The following MTF1 variants were observed in gnomAD, a reference collection of about 807,000 sequenced individuals.
MTF1 encodes metal regulatory transcription factor 1.
Under a neutral mutation model 70.4 loss-of-function variants are expected in MTF1, and 22 were observed. The observed-to-expected ratio is 0.31, with a 90% CI of 0.22 to 0.45. The LOEUF (loss-of-function observed/expected upper bound fraction) is 0.45, where lower values mean the gene tolerates loss of function less well. Among genes scored for constraint, MTF1 ranks in the 20% least tolerant of loss-of-function variants. The pLI is 1.00. For missense variants in MTF1, 649 were observed against 922.0 expected, an observed-to-expected ratio of 0.70 and a Z score of 3.83; for synonymous variants, 333 against 352.8, an observed-to-expected ratio of 0.94 and a Z score of 0.63.
At chr1:37,856,953 A>G (rs952362957) in intron 2 of MTF1, among the ~76,000 whole-genome samples, 2 of 152,236 alleles carry the variant, frequency 1.3e-5, no homozygotes, top group Admixed American at 6.5e-5. Context: ...GATAAGCTAA[A>G]TAGTTATTTT....
chr1:37,812,543 C>G lies in MTF1; in HGVS notation c.*2593G>C, dbSNP rs1640752862. 1.3e-5 allele frequency: 2 copies of G among 152,372 alleles called. No homozygotes were observed. The highest frequency in any genetic ancestry group is 4.1e-4 in the South Asian group (2 of 4,828). The allele number at this position is 152,372 out of a possible 1,614,324, so 9.4% of individuals were successfully genotyped here. On this transcript the variant is annotated 3_prime_UTR_variant, in exon 11 of 11. Transcript: ENST00000373036. ...AACACTGTTTAAGATGCTGCTTCGT[C>G]ACCCCCGATCTTTGAGAGTGAAAAG...
intron 2 of MTF1, among the ~76,000 whole-genome samples, chr1:37,844,807 T>C (rs1641309455): frequency 6.6e-6 from 1 of 152,192 alleles, no homozygotes; most frequent in African/African-American, 2.4e-5. Context: ...AAGCCTCCAC[T>C]AAATGACCCT....
chr1:37,833,975 C>T (rs942226023), intron 6 of MTF1, among the ~76,000 whole-genome samples: 1 of 152,028 alleles, frequency 6.6e-6, no homozygotes, highest in Non-Finnish European at 1.5e-5. Context: ...TCTGTAATCC[C>T]GGTACTTTGG....
At chr1:37,831,964 A>C (rs1308404190) in intron 7 of MTF1, among the ~76,000 whole-genome samples, 1 of 152,174 alleles carries the variant, frequency 6.6e-6, no homozygotes, top group African/African-American at 2.4e-5. Context: ...CAGTACTGGC[A>C]CAGTGCCTGG....
At chr1:37,833,006 C>CAA in intron 6 of MTF1, among the ~76,000 whole-genome samples, 1 of 129,234 alleles carries the variant, frequency 7.7e-6, no homozygotes, top group Non-Finnish European at 1.7e-5. Context: ...GACTCTGTCT[C>CAA]AAAAAAAAAA....
chr1:37,834,981 C>G (rs1641143716), intron 6 of MTF1, 98 bp downstream of exon 6: 7 of 1,326,776 alleles, frequency 5.3e-6, no homozygotes, highest in Non-Finnish European at 7.4e-6. Context: ...CGCTCACTAA[C>G]AGATATACAG....
chr1:37,827,600 G>A (rs564542242), intron 7 of MTF1, among the ~76,000 whole-genome samples: 11 of 152,114 alleles, frequency 7.2e-5, no homozygotes, highest in African/African-American at 2.2e-4. Flanking sequence ...CTGACTTCGT[G>A]ATCCACCCGC....
Position 37,814,468 on chromosome 1 carries a change from C to A in MTF1, c.*668G>T, listed in dbSNP as rs1640785208. On this transcript the variant is annotated 3_prime_UTR_variant, in exon 11 of 11. Coordinates refer to ENST00000373036, the MANE Select transcript of MTF1 (RefSeq NM_005955.3). ...GTCAACAAGCTGCCTAGGGCCTCTG[C>A]AGAGCCAGATCAACCCCACAGCCTG... 1 of 153,002 alleles carries A rather than the reference C, an allele frequency of 6.5e-6. No individual in the cohort carries two copies. The highest frequency in any genetic ancestry group is 1.9e-4 in the East Asian group (1 of 5,210). The allele number at this position is 153,002 out of a possible 1,614,324, so 9.5% of individuals were successfully genotyped here.
intron 10 of MTF1, 79 bp downstream of exon 10, chr1:37,817,340 T>G: frequency 2.3e-6 from 2 of 866,474 alleles, no homozygotes; most frequent in Non-Finnish European, 3.9e-6. Context: ...TTTTAGAAAC[T>G]GGGACAAAGC....
rs796230170 is a variant in MTF1, at chr1:37,856,536, A to G, written c.408+715T>C. ...TTTTTTTTAGATGGAGTCTCACTCT[A>G]TCGCCCAGGCTGGAGTACAGTGGCA... On this transcript the variant is annotated intron_variant, in intron 2 of 10. Transcript: ENST00000373036. Among the ~76,000 whole-genome samples the G allele has an allele frequency of 2.6e-3, 351 of 132,624 alleles. 2 individuals carry two copies. The highest frequency in any genetic ancestry group is 9.6e-3 in the African/African-American group (337 of 34,974). 87.0% of individuals were successfully genotyped at this position (132,624 alleles called of 152,430 possible). A position where few individuals can be genotyped will look rare whatever the true frequency, so the allele number is the denominator to read the frequency against.
intron 2 of MTF1, chr1:37,841,585 AC>A: frequency 5.4e-6 from 1 of 183,884 alleles, no homozygotes; most frequent in South Asian, 1.2e-4. Flanking sequence ...GACTGTATTC[AC>A]CAAGTCTCCC....
At chr1:37,844,465 C>T (rs1056915575) in intron 2 of MTF1, among the ~76,000 whole-genome samples, 13 of 152,182 alleles carry the variant, frequency 8.5e-5, no homozygotes, top group African/African-American at 3.1e-4. Context: ...ACTCATTTGA[C>T]ACTTAGTTTA....
intron 2 of MTF1, among the ~76,000 whole-genome samples, chr1:37,849,748 G>T (rs1056534975): frequency 2.6e-5 from 4 of 152,178 alleles, no homozygotes; most frequent in African/African-American, 9.6e-5. Context: ...GTTGCCAGGT[G>T]TGGTAGCTCA....
At chr1:37,845,790 G>A (rs1204095468) in intron 2 of MTF1, among the ~76,000 whole-genome samples, 1 of 152,146 alleles carries the variant, frequency 6.6e-6, no homozygotes, top group Non-Finnish European at 1.5e-5. Context: ...ACAGGTATGA[G>A]CCACCACACC....
chr1:37,832,127 A>G, intron 7 of MTF1, 118 bp downstream of exon 7: 4 of 655,204 alleles, frequency 6.1e-6, no homozygotes, highest in Non-Finnish European at 1.1e-5. Context: ...ATGGTCAGTA[A>G]TTAAACACAA....
chr1:37,832,353 AC>A, intron 6 of MTF1, 31 bp from the exon 7 acceptor site: 2 of 1,478,464 alleles, frequency 1.4e-6, no homozygotes, highest in Non-Finnish European at 1.9e-6. Flanking sequence ...TAATTGAGTA[AC>A]AAAAATCAGG....
chr1:37,824,758 T>C (rs78799526), intron 7 of MTF1, among the ~76,000 whole-genome samples: 2,480 of 152,304 alleles, frequency 0.016, 38 homozygotes, highest in Non-Finnish European at 0.025. Flanking sequence ...CATGTAATAA[T>C]AACATTGTGA....
chr1:37,828,896 A>T (rs2148406878), intron 7 of MTF1, among the ~76,000 whole-genome samples: 1 of 152,190 alleles, frequency 6.6e-6, no homozygotes, highest in Middle Eastern at 3.4e-3. Flanking sequence ...AGAAGAGGAG[A>T]ATACAGGTAG....
In MTF1 at chr1:37,810,797, G is replaced by GA. The variant is rs1640714302; in HGVS notation, c.*4338dup. ...AAATGGGGGAGGTGGAGTAAAGGAA[G>GA]AAAGTTGATAATGATTCATGGGATG... On this transcript the variant is annotated 3_prime_UTR_variant, in exon 11 of 11. Coordinates refer to ENST00000373036, the MANE Select transcript of MTF1 (RefSeq NM_005955.3). The GA allele has an allele frequency of 6.6e-6, 1 of 152,226 alleles. No individual in the cohort carries two copies. The highest frequency in any genetic ancestry group is 2.1e-4 in the South Asian group (1 of 4,836). 9.4% of individuals were successfully genotyped at this position (152,226 alleles called of 1,614,324 possible).
Sources: gnomAD v4.1 joint callset for allele counts (sites outside exome capture counted in the v4.1 genomes callset) on GRCh38, gnomAD v4.1.1 for gene constraint, MANE v1.5 for transcripts, NCBI Gene and HGNC (gene_info 2026-07-23, HGNC 2026-07-21) for gene names.